Variants in C6 observed in about 807,000 individuals in gnomAD.
C6 encodes the protein complement C6, also known as complement component C6.
A neutral mutation model predicts 112.9 loss-of-function variants in C6; 101 were observed. The ratio of observed to expected loss-of-function variants is 0.89; its 90% CI spans 0.76 to 1.06. The LOEUF is 1.06. C6 is among the 50% of genes least tolerant of loss of function. C6 has a pLI of 0.00. For missense variants in C6, 1,202 were observed against 1,104.6 expected (o/e 1.09, Z -1.25); for synonymous variants, 431 against 384.1 (o/e 1.12, Z -1.43).
intron 9 of C6, among the ~76,000 whole-genome samples, chr5:41,167,709 T>G (rs1239606947): frequency 6.6e-6 from 1 of 152,156 alleles, no homozygotes; most frequent in Non-Finnish European, 1.5e-5. Flanking sequence ...CAAAGAGGGA[T>G]AAGACATCAG....
At chr5:41,216,548 T>C (rs1487309385), upstream of C6, among the ~76,000 whole-genome samples, 1 of 152,142 alleles carries the variant, frequency 6.6e-6, no homozygotes, top group Non-Finnish European at 1.5e-5. Context: ...AGACAGATAA[T>C]AGAAACATCA....
chr5:41,202,656 C>G (rs2150368218), intron 2 of C6, among the ~76,000 whole-genome samples: 1 of 152,260 alleles, frequency 6.6e-6, no homozygotes, highest in East Asian at 1.9e-4. Flanking sequence ...CAAGAAAGAA[C>G]AGTTTTGTTG....
chr5:41,230,481 A>T (rs2150412702), intron 1 of C6, among the ~76,000 whole-genome samples: 2 of 152,148 alleles, frequency 1.3e-5, no homozygotes, highest in South Asian at 4.2e-4. Context: ...CTCCTGTAGC[A>T]CCCTCAGGCT....
At chr5:41,161,901 C>T (rs1747551248) in intron 9 of C6, 42 bp from the exon 10 acceptor site, 4 of 1,592,760 alleles carry the variant, frequency 2.5e-6, no homozygotes, top group South Asian at 2.2e-5. Context: ...AATTTTAGTG[C>T]AAATTCCTAT....
intron 1 of C6, among the ~76,000 whole-genome samples, chr5:41,247,446 G>A (rs561285571): frequency 1.3e-5 from 2 of 152,134 alleles, no homozygotes; most frequent in African/African-American, 2.4e-5. Context: ...CCACAGAAAA[G>A]TAAAAATAAA....
intron 1 of C6, among the ~76,000 whole-genome samples, chr5:41,225,402 A>C (rs1561188827): frequency 6.6e-6 from 1 of 152,000 alleles, no homozygotes; most frequent in Non-Finnish European, 1.5e-5. Context: ...TGAACTCATC[A>C]TTTTTTACGG....
intron 5 of C6, among the ~76,000 whole-genome samples, chr5:41,191,011 A>AACATGTAAC (rs150375378): frequency 0.11 from 16,865 of 148,770 alleles, 1,370 homozygotes; most frequent in Non-Finnish European, 0.17. Context: ...ATAGCTTTGT[A>AACATGTAAC]ACATGTAACA....
At chr5:41,179,831 C>T (rs1421812188) in intron 7 of C6, among the ~76,000 whole-genome samples, 2 of 151,566 alleles carry the variant, frequency 1.3e-5, no homozygotes, top group African/African-American at 4.8e-5. Flanking sequence ...AATAAAGAGT[C>T]AAATATCTTG....
At position 41,154,009 on chromosome 5, in the gene C6, G is replaced by A; in HGVS notation, c.2102-11C>T. 1 of 1,612,602 alleles carries A rather than the reference G, an allele frequency of 6.2e-7. No homozygotes were observed. The highest frequency in any genetic ancestry group is 8.5e-7 in the Non-Finnish European group (1 of 1,178,890). ...TGATGCACTCCGTCCCTGCAAGAGA[G>A]CAACATTTCATATGTGTTTAGTGGA... On this transcript the variant is annotated splice_polypyrimidine_tract_variant and intron_variant, in intron 14 of 17. Coordinates refer to ENST00000337836, the MANE Select transcript of C6 (RefSeq NM_000065.5).
At chr5:41,206,300 A>T (rs913302518) in intron 1 of C6, among the ~76,000 whole-genome samples, 36 of 152,244 alleles carry the variant, frequency 2.4e-4, no homozygotes, top group African/African-American at 8.7e-4. Flanking sequence ...AATTCTAAAA[A>T]TCAGAGCACC....
intron 10 of C6, among the ~76,000 whole-genome samples, chr5:41,160,606 G>A (rs1332881783): frequency 2.6e-5 from 4 of 152,162 alleles, no homozygotes; most frequent in African/African-American, 9.7e-5. Flanking sequence ...AAGCATGGGA[G>A]GTGTTGCTTA....
chr5:41,257,516 T>C (rs1409310353), intron 1 of C6, among the ~76,000 whole-genome samples: 1 of 152,158 alleles, frequency 6.6e-6, no homozygotes, highest in Admixed American at 6.5e-5. Context: ...AATGACTTAT[T>C]TTTTGGGGAT....
chr5:41,205,892 G>A (rs1448966510), intron 1 of C6, among the ~76,000 whole-genome samples: 2 of 152,202 alleles, frequency 1.3e-5, no homozygotes, highest in Non-Finnish European at 2.9e-5. Context: ...CACGGAGTTT[G>A]AGATCTGAGA....
chr5:41,170,565 T>C (rs182706495), intron 9 of C6, among the ~76,000 whole-genome samples: 32 of 152,232 alleles, frequency 2.1e-4, no homozygotes, highest in African/African-American at 7.7e-4. Context: ...CTATATGCCT[T>C]TGTGCCCTCT....
chr5:41,171,137 T>A (rs1221630967), intron 9 of C6, among the ~76,000 whole-genome samples: 2 of 152,136 alleles, frequency 1.3e-5, no homozygotes, highest in Non-Finnish European at 2.9e-5. Flanking sequence ...TTGCCTTCCA[T>A]TGAAGGTTTT....
At chr5:41,184,259 C>T (rs1472452128) in intron 6 of C6, among the ~76,000 whole-genome samples, 1 of 152,110 alleles carries the variant, frequency 6.6e-6, no homozygotes, top group Non-Finnish European at 1.5e-5. Flanking sequence ...AAGGGGGATA[C>T]ATTTTAACTG....
intron 2 of C6, 48 bp from the exon 3 acceptor site, chr5:41,201,762 T>C (rs1351496818): frequency 6.8e-7 from 1 of 1,463,268 alleles, no homozygotes; most frequent in East Asian, 2.3e-5. Context: ...ATTCACCATA[T>C]ATCCTGCTCC....
chr5:41,206,609 T>C (rs553495349), intron 1 of C6, among the ~76,000 whole-genome samples: 9 of 152,138 alleles, frequency 5.9e-5, no homozygotes, highest in Admixed American at 5.2e-4. Context: ...TTCAATCACA[T>C]GGAAGAAAGG....
At chr5:41,255,481 TTATAGGAAATATA>T (rs752831316) in intron 1 of C6, among the ~76,000 whole-genome samples, 99 of 152,302 alleles carry the variant, frequency 6.5e-4, no homozygotes, top group Middle Eastern at 3.4e-3. Flanking sequence ...AAGGGCTTAC[TTATAGGAAATATA>T]TATAGTAGTA....
Sources: gnomAD v4.1 joint callset for allele counts (sites outside exome capture counted in the v4.1 genomes callset) on GRCh38, gnomAD v4.1.1 for gene constraint, MANE v1.5 for transcripts, NCBI Gene and HGNC (gene_info 2026-07-23, HGNC 2026-07-21) for gene names.